Variants in ABCB1 observed in about 807,000 individuals in gnomAD.
ABCB1 encodes ATP-dependent translocase ABCB1.
Under a neutral mutation model 142.0 loss-of-function variants are expected in ABCB1, and 69 were observed. The observed-to-expected ratio is 0.49, with a 90% CI of 0.40 to 0.59. The LOEUF is 0.59. ABCB1 is among the 20% of genes least tolerant of loss of function. ABCB1 has a pLI of 0.00. For synonymous variants in ABCB1, 532 were observed against 539.2 expected, an observed-to-expected ratio of 0.99 and a Z score of 0.18; for missense variants, 1,326 against 1,554.7, an observed-to-expected ratio of 0.85 and a Z score of 2.47.
intron 20 of ABCB1, among the ~76,000 whole-genome samples, chr7:87,533,579 C>T (rs1816155297): frequency 6.6e-6 from 1 of 152,186 alleles, no homozygotes; most frequent in Non-Finnish European, 1.5e-5. Context: ...ATTACTATTC[C>T]TTTATTCTGA....
At chr7:87,566,507 A>G (rs1045113722) in intron 6 of ABCB1, among the ~76,000 whole-genome samples, 1 of 152,210 alleles carries the variant, frequency 6.6e-6, no homozygotes, top group African/African-American at 2.4e-5. Flanking sequence ...TTCCTCAGAA[A>G]GTATCTTGTT....
intron 1 of ABCB1, among the ~76,000 whole-genome samples, chr7:87,650,014 A>C (rs1823419815): frequency 6.6e-6 from 1 of 152,172 alleles, no homozygotes. Context: ...TTACTCAGTC[A>C]CGGGTAAGTC....
At chr7:87,535,645 A>G (rs1343332780) in intron 20 of ABCB1, among the ~76,000 whole-genome samples, 1 of 152,218 alleles carries the variant, frequency 6.6e-6, no homozygotes, top group Non-Finnish European at 1.5e-5. Context: ...CCTAAGGTTT[A>G]TATTTCAACG....
In ABCB1 at chr7:87,629,133, C is replaced by G. The variant is rs778920132; in HGVS notation, c.-330-28055G>C. 9.3e-5 allele frequency: 43 copies of G among 462,214 alleles called. No individual in the cohort carries two copies. In the South Asian group the frequency reaches 1.5e-3, roughly 16 times the overall value. The allele number at this position is 462,214 out of a possible 1,614,324, so 28.6% of individuals were successfully genotyped here. A position where few individuals can be genotyped will look rare whatever the true frequency, so the allele number is the denominator to read the frequency against. ...GCCCGGGTCTGGACACCGTCGCAGC[C>G]CTGGACTTTGTGTCAGTTCCAGTGC... On this transcript the variant is annotated intron_variant, in intron 1 of 28. Coordinates refer to the ABCB1 transcript ENST00000265724.
intron 1 of ABCB1, among the ~76,000 whole-genome samples, chr7:87,655,342 C>T (rs142240310): frequency 0.01 from 1,565 of 151,656 alleles, 29 homozygotes; most frequent in African/African-American, 0.036. Context: ...ACTGATGAGT[C>T]GATAAAAAAA....
chr7:87,593,143 T>A (rs565924841), intron 3 of ABCB1, among the ~76,000 whole-genome samples: 1 of 152,216 alleles, frequency 6.6e-6, no homozygotes, highest in African/African-American at 2.4e-5. Flanking sequence ...CCCAGGCTGG[T>A]CTTGAACTTC....
chr7:87,516,805 G>C (rs1815274836), intron 23 of ABCB1, 140 bp from the exon 24 acceptor site: 1 of 854,966 alleles, frequency 1.2e-6, no homozygotes, highest in Admixed American at 2.5e-5. Flanking sequence ...AGTGCAATCA[G>C]AGCTCACTAA....
chr7:87,703,126 C>A (rs959070079), intron 1 of ABCB1, among the ~76,000 whole-genome samples: 12 of 152,086 alleles, frequency 7.9e-5, no homozygotes, highest in African/African-American at 2.7e-4. Context: ...AAGATGAAGA[C>A]ATAATTCATT....
At chr7:87,667,236 C>G (rs1428861423) in intron 1 of ABCB1, among the ~76,000 whole-genome samples, 1 of 151,872 alleles carries the variant, frequency 6.6e-6, no homozygotes, top group Non-Finnish European at 1.5e-5. Context: ...GAAGTTTATT[C>G]TTTTTCTGGC....
rs1563061857 is a variant in ABCB1, at chr7:87,581,077, T to TTTGG, written c.286+4431_286+4434dup. Among the ~76,000 whole-genome samples the TTTGG allele has an allele frequency of 3.9e-5, 6 of 152,166 alleles. No homozygotes were observed. The South Asian group carries it at 1.2e-3, about 32-fold the overall frequency. On this transcript the variant is annotated intron_variant, in intron 4 of 27. Transcript: ENST00000622132. ...GGGGGATGATTTCTGGAGGCTTTTGTTTGGCTATCTTGTTCCACCTCCTCC... is the reference window on the plus strand; with the variant it reads ...GGGGGATGATTTCTGGAGGCTTTTGTTTGGTTGGCTATCTTGTTCCACCTCCTCC...
chr7:87,613,973 A>G (rs1226123452), intron 1 of ABCB1, among the ~76,000 whole-genome samples: 1 of 152,212 alleles, frequency 6.6e-6, no homozygotes, highest in African/African-American at 2.4e-5. Flanking sequence ...ATCTAGACAA[A>G]CTTGGTTTGT....
chr7:87,626,298 CAT>C (rs1231857763), intron 1 of ABCB1, among the ~76,000 whole-genome samples: 1 of 42,278 alleles, frequency 2.4e-5, no homozygotes, highest in East Asian at 1.3e-3. Flanking sequence ...ATATATGTGT[CAT>C]ATATATGTGT....
At chr7:87,598,451 G>T (rs932131698) in intron 2 of ABCB1, among the ~76,000 whole-genome samples, 1 of 152,128 alleles carries the variant, frequency 6.6e-6, no homozygotes, top group Non-Finnish European at 1.5e-5. Context: ...ACTCGGTTAA[G>T]GTGCTAACTG....
chr7:87,700,223 A>T (rs929512825), intron 1 of ABCB1, among the ~76,000 whole-genome samples: 1 of 152,164 alleles, frequency 6.6e-6, no homozygotes, highest in Admixed American at 6.5e-5. Flanking sequence ...TAAATTAAGT[A>T]AATTTTCCAA....
chr7:87,519,245 T>C, intron 23 of ABCB1, 81 bp downstream of exon 23: 2 of 1,378,258 alleles, frequency 1.5e-6, no homozygotes, highest in Non-Finnish European at 2.1e-6. Context: ...GGCTTCACAG[T>C]AGGGTTTCCT....
chr7:87,602,782 C>A (rs1396158576), upstream of ABCB1, among the ~76,000 whole-genome samples: 1 of 152,134 alleles, frequency 6.6e-6, no homozygotes, highest in Non-Finnish European at 1.5e-5. Flanking sequence ...TTCTTTGCTC[C>A]ACTGACATGA....
intron 1 of ABCB1, among the ~76,000 whole-genome samples, chr7:87,683,004 A>G (rs995007836): frequency 6.6e-6 from 1 of 152,218 alleles, no homozygotes; most frequent in African/African-American, 2.4e-5. Flanking sequence ...TCTTCTGGAT[A>G]AGTTAGCACA....
At chr7:87,653,670 G>A (rs1039061805) in intron 1 of ABCB1, among the ~76,000 whole-genome samples, 5 of 151,700 alleles carry the variant, frequency 3.3e-5, no homozygotes, top group Admixed American at 2.0e-4. Context: ...TTTTTCAAAT[G>A]CGAGCCTAAT....
intron 3 of ABCB1, 150 bp downstream of exon 3, chr7:87,595,616 T>G: frequency 1.5e-6 from 1 of 646,750 alleles, no homozygotes; most frequent in East Asian, 2.8e-5. Flanking sequence ...AGCATTCTCC[T>G]GAAAATAAGC....
Sources: allele counts gnomAD v4.1 joint callset (sites outside exome capture counted in the v4.1 genomes callset), GRCh38; gene constraint gnomAD v4.1.1; transcripts MANE v1.5; gene names NCBI Gene and HGNC (gene_info 2026-07-23, HGNC 2026-07-21).